Variants in ALS2CL observed in about 807,000 individuals in gnomAD.
The protein encoded by ALS2CL is ALS2 C-terminal like.
Under a neutral mutation model 127.9 loss-of-function variants are expected in ALS2CL, and 112 were observed. The observed-to-expected ratio is 0.88, with a 90% CI of 0.75 to 1.02. The LOEUF is 1.02. ALS2CL is among the 50% of genes least tolerant of loss of function. The pLI, the probability that ALS2CL is intolerant of heterozygous loss-of-function variation, is 0.00. For missense variants in ALS2CL, 1,174 were observed against 1,236.7 expected (o/e 0.95, Z 0.76); for synonymous variants, 519 against 527.6 (o/e 0.98, Z 0.22).
At chr3:46,675,501 T>C in intron 20 of ALS2CL, 117 bp downstream of exon 20, 2 of 960,130 alleles carry the variant, frequency 2.1e-6, no homozygotes, top group Admixed American at 1.9e-5. Context: ...GTTTGGTCAA[T>C]AGAGTGAATG....
At chr3:46,685,118 C>T (rs1302008380) in intron 7 of ALS2CL, among the ~76,000 whole-genome samples, 2 of 152,208 alleles carry the variant, frequency 1.3e-5, no homozygotes, top group African/African-American at 4.8e-5. Flanking sequence ...CTCATCCAGC[C>T]CTCCTTAGTC....
chr3:46,673,213 C>T (rs1454547630), intron 22 of ALS2CL, 126 bp downstream of exon 22: 3 of 614,930 alleles, frequency 4.9e-6, no homozygotes, highest in South Asian at 1.9e-5. Flanking sequence ...AGTGTCTCCT[C>T]CCAACCCACC....
chr3:46,674,805 C>G (rs1320791399), intron 20 of ALS2CL, 66 bp from the exon 21 acceptor site: 3 of 1,429,322 alleles, frequency 2.1e-6, no homozygotes, highest in Non-Finnish European at 1.9e-6. Context: ...CTTGGAGTCT[C>G]GTCTCAAAGA....
Position 46,679,113 on chromosome 3 carries a change from T to C in ALS2CL, c.1626+97A>G, listed in dbSNP as rs1045336379. Reference sequence around the variant, plus strand: ...GCTCCAAGGGAGGTGGGACAGGCCCTCCCCTACCTGCCCCCAGCCCTGAGT... The same window carrying C: ...GCTCCAAGGGAGGTGGGACAGGCCCCCCCCTACCTGCCCCCAGCCCTGAGT... On this transcript the variant is annotated intron_variant, in intron 15 of 25. Transcript: ENST00000318962. 29 of 1,293,986 alleles carry C rather than the reference T, an allele frequency of 2.2e-5. No homozygotes were observed. The Admixed American group carries it at 6.2e-4, about 28-fold the overall frequency. The allele number at this position is 1,293,986 out of a possible 1,614,324, so 80.2% of individuals were successfully genotyped here.
At chr3:46,691,585 G>C (rs114449879) in intron 1 of ALS2CL, among the ~76,000 whole-genome samples, 7,441 of 152,038 alleles carry the variant, frequency 0.049, 324 homozygotes, top group South Asian at 0.13. Flanking sequence ...GCCCTCACCT[G>C]GCTGCTCAGC....
intron 15 of ALS2CL, among the ~76,000 whole-genome samples, chr3:46,678,780 C>A (rs887565436): frequency 6.6e-6 from 1 of 152,240 alleles, no homozygotes; most frequent in African/African-American, 2.4e-5. Flanking sequence ...GATCTCCACC[C>A]CTTTGCTCCA....
chr3:46,686,893 G>C lies in ALS2CL; in HGVS notation c.534+90C>G. On this transcript the variant is annotated intron_variant, in intron 5 of 25. Coordinates refer to ENST00000318962, the MANE Select transcript of ALS2CL (RefSeq NM_147129.5). The surrounding 1 kb of genome is among the most constrained non-coding windows in gnomAD (Gnocchi z 4.3). The stretch of plus-strand genomic sequence containing the variant: ...CATGGCTGAGTCCTTCTTGTACTAG[G>C]GTTCCTGAGTATAGGCTGAGCCCCC... The C allele has an allele frequency of 7.4e-7, 1 of 1,358,102 alleles. No individual in the cohort carries two copies. Among genetic ancestry groups the C allele is most frequent in the Admixed American group, 3.0e-5 (1 of 33,214 alleles). The allele number at this position is 1,358,102 out of a possible 1,614,324, so 84.1% of individuals were successfully genotyped here.
At chr3:46,680,601 C>T (rs1575427510) in intron 13 of ALS2CL, 60 bp from the exon 14 acceptor site, 1 of 1,502,150 alleles carries the variant, frequency 6.7e-7, no homozygotes. Context: ...ACCTCCTGGG[C>T]ACTCTGCTGG....
Position 46,674,621 on chromosome 3 carries a change from C to G in ALS2CL, c.2374G>C (p.Ala792Pro). The change falls in exon 21 of 26, where the codon GCC becomes CCC. Residue 792 changes from alanine to proline, a missense_variant. Physicochemically the swap from Ala to Pro is conservative, Grantham distance 27 (BLOSUM62 -1). Transcript: ENST00000318962. ...GTATCAGGAAAGAGGCTCAAGTTGG[C>G]AATGCCCTGGCTGTAGAAGCTGTCC... Reference protein sequence around the residue: ...REDSFYSQGIANLSLFPDTQL... With the variant: ...REDSFYSQGIPNLSLFPDTQL... The G allele has an allele frequency of 6.2e-7, 1 of 1,614,080 alleles. No homozygotes were observed. The highest frequency in any genetic ancestry group is 8.5e-7 in the Non-Finnish European group (1 of 1,179,996).
rs1264093587 is a variant in ALS2CL, at chr3:46,681,688, C to G, written c.1176-90G>C. 6 of 1,322,644 alleles carry G rather than the reference C, an allele frequency of 4.5e-6. No individual in the cohort carries two copies. Among genetic ancestry groups the G allele is most frequent in the Non-Finnish European group, 4.3e-6 (4 of 935,942 alleles). The allele number at this position is 1,322,644 out of a possible 1,614,324, so 81.9% of individuals were successfully genotyped here. A position where few individuals can be genotyped will look rare whatever the true frequency, so the allele number is the denominator to read the frequency against. ...TGCCACCCAGGAGTATCCCTGCCCC[C>G]AAGGAGCCTTCCAGACAACAGGGAG... On this transcript the variant is annotated intron_variant, in intron 11 of 25. Coordinates refer to ENST00000318962, the MANE Select transcript of ALS2CL (RefSeq NM_147129.5). The surrounding 1 kb of genome is among the most constrained non-coding windows in gnomAD (Gnocchi z 4.9).
chr3:46,684,666 C>T (rs1323091281), intron 7 of ALS2CL, among the ~76,000 whole-genome samples: 4 of 152,278 alleles, frequency 2.6e-5, no homozygotes, highest in South Asian at 2.1e-4. Flanking sequence ...GCTTGCCAGC[C>T]GCAGGCCAGG....
rs746978017 is a variant in ALS2CL at position 46,688,196 on chromosome 3, C to T, written c.204G>A (p.Leu68=). 1 of 1,613,110 alleles carries T rather than the reference C, an allele frequency of 6.2e-7. No homozygotes were observed. Among genetic ancestry groups the T allele is most frequent in the Non-Finnish European group, 8.5e-7 (1 of 1,180,000 alleles). Residue 68 remains leucine (L), a synonymous_variant, in exon 3 of 26, where the codon CTG becomes CTA. Transcript: ENST00000318962. ...AACGCAGCCTCTCCTGCAGTGAGTG[C>T]AGGCTTTCCTCCGTCACCTCCCAGA... The part of the protein sequence containing the change: ...QQLWEVTEES[L]HSLQERLRYP...
intron 21 of ALS2CL, 37 bp from the exon 22 acceptor site, chr3:46,673,418 G>C (rs1291534167): frequency 3.9e-6 from 6 of 1,548,312 alleles, no homozygotes; most frequent in South Asian, 1.2e-5. Context: ...GCTCTGCCTC[G>C]ACAAGGGGCA....
Position 46,685,761 on chromosome 3 carries a change from C to T in ALS2CL, c.667-117G>A, listed in dbSNP as rs1699717697. 2.8e-6 allele frequency: 4 copies of T among 1,405,474 alleles called. No individual in the cohort carries two copies. In the East Asian group the frequency reaches 1.0e-4, roughly 35 times the overall value. 87.1% of individuals were successfully genotyped at this position (1,405,474 alleles called of 1,614,324 possible). A position where few individuals can be genotyped will look rare whatever the true frequency, so the allele number is the denominator to read the frequency against. On this transcript the variant is annotated intron_variant, in intron 6 of 25. Transcript: ENST00000318962. ...CTCCCAGAGGCCCCCTCCAGTAGAC[C>T]TGGAGCGGACCCTGGGTCAGAGATA...
intron 9 of ALS2CL, 84 bp downstream of exon 9, chr3:46,683,698 G>A: frequency 1.3e-6 from 2 of 1,521,090 alleles, no homozygotes; most frequent in Non-Finnish European, 1.8e-6. Flanking sequence ...CTCCTGTGGG[G>A]CCCTGCAGGG....
In ALS2CL at chr3:46,681,611, T is replaced by A; in HGVS notation, c.1176-13A>T. 6.2e-7 allele frequency: 1 copy of A among 1,613,730 alleles called. No homozygotes were observed. The highest frequency in any genetic ancestry group is 8.5e-7 in the Non-Finnish European group (1 of 1,179,780). On this transcript the variant is annotated splice_polypyrimidine_tract_variant and intron_variant, in intron 11 of 25. Transcript: ENST00000318962. The surrounding 1 kb of genome is among the most constrained non-coding windows in gnomAD (Gnocchi z 4.9). ...GCGGATGCCGAAGCTGACAGCATGG[T>A]TGTGGGGGTGGGGATCAGCCCTGAC...
chr3:46,682,263 C>T (rs1019769312), intron 10 of ALS2CL, among the ~76,000 whole-genome samples, 169 bp from the exon 11 acceptor site: 1 of 152,224 alleles, frequency 6.6e-6, no homozygotes, highest in Non-Finnish European at 1.5e-5. Context: ...GCCCCTTTAG[C>T]CCTTTTCTAC....
chr3:46,681,347 C>T lies in ALS2CL; in HGVS notation c.1335G>A (p.Gly445=), dbSNP rs758237298. ...GGGCCTGCGGACCACTCTCAAGGAC[C>T]CCAAATCCGTGCCGCAGGCCCTCCT... ...YFQEGLRHGF[G]VLESGPQAPQ... is the part of the protein sequence containing the mutation. Residue 445 remains glycine (G), a synonymous_variant, in exon 13 of 26, where the codon GGG becomes GGA. Coordinates refer to ENST00000318962, the MANE Select transcript of ALS2CL (RefSeq NM_147129.5). This position sits in a 1 kb window ranked among gnomAD's most constrained non-coding sequence, Gnocchi z 4.9. 1.6e-5 allele frequency: 25 copies of T among 1,611,432 alleles called. No individual in the cohort carries two copies. The highest frequency in any genetic ancestry group is 2.0e-5 in the Non-Finnish European group (24 of 1,178,074).
chr3:46,675,592 G>A, intron 20 of ALS2CL, 26 bp downstream of exon 20: 2 of 1,609,440 alleles, frequency 1.2e-6, no homozygotes, highest in South Asian at 2.2e-5. Context: ...GACACGGCAG[G>A]CCCCAAGGAG....
Sources: gnomAD v4.1 joint callset for allele counts (sites outside exome capture counted in the v4.1 genomes callset) on GRCh38, gnomAD v4.1.1 for gene constraint, Gnocchi (gnomAD v3.1) non-coding constraint, MANE v1.5 for transcripts, NCBI Gene and HGNC (gene_info 2026-07-23, HGNC 2026-07-21) for gene names.